The following CLCA4 variants were observed in gnomAD, a reference collection of about 807,000 sequenced individuals.
CLCA4 encodes the protein chloride channel accessory 4.
CLCA4 carries 69 observed loss-of-function variants against 78.9 expected under a neutral mutation model. The ratio of observed to expected loss-of-function variants is 0.87; its 90% confidence interval spans 0.72 to 1.07. The LOEUF (loss-of-function observed/expected upper bound fraction) is 1.07. CLCA4 is among the 50% of genes least tolerant of loss of function. CLCA4 has a pLI of 0.00. For synonymous variants in CLCA4, 362 were observed against 375.8 expected (o/e 0.96, Z 0.42); for missense variants, 1,133 against 1,095.8 (o/e 1.03, Z -0.48).
At chr1:86,552,701 G>C in intron 1 of CLCA4, 3 of 1,278,492 alleles carry the variant, frequency 2.3e-6, no homozygotes, top group Non-Finnish European at 1.1e-6. Flanking sequence ...CGGGGTGACC[G>C]GAGCCAAGCC....
chr1:86,552,928 G>T (rs966125999), intron 1 of CLCA4: 46 of 655,554 alleles, frequency 7.0e-5, no homozygotes, highest in African/African-American at 6.2e-4. Flanking sequence ...CTCCCTCTGC[G>T]GGTGCCTCGG....
At position 86,578,008 on chromosome 1, in the gene CLCA4, T is replaced by C. The variant is rs769551837; in HGVS notation, c.2058T>C (p.Thr686=). ...LKVRAHGGAN[T]ARLKLRPPLN... ...TTCGGGCTCATGGAGGAGCAAACAC[T>C]GCCAGGCTAAAATTACGGCCTCCAC... The change falls in exon 12 of 14, where the codon ACT becomes ACC. Residue 686 remains threonine (T), a synonymous_variant. Transcript: ENST00000370563. 5 of 1,612,738 alleles carry C rather than the reference T, an allele frequency of 3.1e-6. No individual in the cohort carries two copies. In the South Asian group the frequency reaches 3.3e-5, roughly 11 times the overall value.
chr1:86,558,783 C>A (rs894699429), intron 1 of CLCA4, among the ~76,000 whole-genome samples: 1 of 152,102 alleles, frequency 6.6e-6, no homozygotes, highest in South Asian at 2.1e-4. Flanking sequence ...ATTATCTCCA[C>A]CTGGTCCCTT....
At chr1:86,554,301 A>G (rs1649764092) in intron 1 of CLCA4, among the ~76,000 whole-genome samples, 1 of 152,168 alleles carries the variant, frequency 6.6e-6, no homozygotes, top group South Asian at 2.1e-4. Context: ...AGCTCCACCC[A>G]TGTTCCCGCA....
At chr1:86,552,821 G>T in intron 1 of CLCA4, 1 of 952,306 alleles carries the variant, frequency 1.1e-6, no homozygotes. Context: ...TCCATGTAGC[G>T]GGGGATTTTA....
Position 86,572,707 on chromosome 1 carries a change from A to T in CLCA4, c.1454A>T (p.Gln485Leu). Residue 485 changes from glutamine (Q) to leucine (L), a missense_variant, in exon 9 of 14, where the codon CAG (glutamine) becomes CTG (leucine). Gln to Leu is a moderately radical substitution (Grantham distance 113). Coordinates refer to ENST00000370563, the MANE Select transcript of CLCA4 (RefSeq NM_012128.4). ...ACATCAGGAAATACTGATCTCTCCC[A>T]GAAGTCCCTTCAGGTCAGAGTTCTC... ...ALTSGNTDLS[Q>L]KSLQLESKGL... 1 of 1,586,880 alleles carries T rather than the reference A, an allele frequency of 6.3e-7. No individual in the cohort carries two copies. The highest frequency in any genetic ancestry group is 8.7e-7 in the Non-Finnish European group (1 of 1,155,446).
intron 9 of CLCA4, among the ~76,000 whole-genome samples, chr1:86,573,994 C>T (rs1558196796): frequency 6.6e-6 from 1 of 152,038 alleles, no homozygotes; most frequent in African/African-American, 2.4e-5. Context: ...TTTAGCCATT[C>T]CACAATATGT....
At chr1:86,562,176 G>C (rs770699511) in intron 3 of CLCA4, among the ~76,000 whole-genome samples, 1 of 152,234 alleles carries the variant, frequency 6.6e-6, no homozygotes, top group Non-Finnish European at 1.5e-5. Context: ...ATGTAGACAG[G>C]AATGGAATTC....
intron 1 of CLCA4, among the ~76,000 whole-genome samples, chr1:86,549,428 T>C (rs372730516): frequency 3.5e-4 from 54 of 152,174 alleles, no homozygotes; most frequent in African/African-American, 1.2e-3. Flanking sequence ...TGAAAATCCA[T>C]AGGAGGATTC....
At chr1:86,553,828 C>A (rs1476538675) in intron 1 of CLCA4, among the ~76,000 whole-genome samples, 1 of 151,730 alleles carries the variant, frequency 6.6e-6, no homozygotes, top group African/African-American at 2.4e-5. Flanking sequence ...TCCAGCTACT[C>A]GAGAGGTCGA....
chr1:86,572,558 A>G, intron 8 of CLCA4, 56 bp from the exon 9 acceptor site: 1 of 1,043,450 alleles, frequency 9.6e-7, no homozygotes, highest in Non-Finnish European at 1.5e-6. Flanking sequence ...AATAATCACT[A>G]AAATATATGT....
At chr1:86,577,685 A>G (rs935196810) in intron 11 of CLCA4, among the ~76,000 whole-genome samples, 22 of 152,080 alleles carry the variant, frequency 1.4e-4, no homozygotes, top group African/African-American at 4.3e-4. Flanking sequence ...GTGTGTGTGT[A>G]TGTATGTTAT....
At chr1:86,558,334 A>T (rs72955608) in intron 1 of CLCA4, among the ~76,000 whole-genome samples, 2 of 152,142 alleles carry the variant, frequency 1.3e-5, no homozygotes, top group Admixed American at 6.5e-5. Context: ...CTGTTTTTGT[A>T]TTAGCTGGTA....
chr1:86,573,691 T>C (rs1331662319), intron 9 of CLCA4, among the ~76,000 whole-genome samples: 1 of 151,966 alleles, frequency 6.6e-6, no homozygotes, highest in African/African-American at 2.4e-5. Flanking sequence ...AGACTGCTAG[T>C]GTTTGGAGAA....
At chr1:86,561,939 T>A (rs1436081303) in intron 3 of CLCA4, among the ~76,000 whole-genome samples, 1 of 152,110 alleles carries the variant, frequency 6.6e-6, no homozygotes, top group Non-Finnish European at 1.5e-5. Context: ...TTTGGATAAA[T>A]AACATTAGTA....
intron 7 of CLCA4, 54 bp from the exon 8 acceptor site, chr1:86,571,023 T>C (rs1423719551): frequency 9.1e-6 from 12 of 1,323,304 alleles, no homozygotes; most frequent in East Asian, 7.0e-5. Flanking sequence ...TTCCCATTTG[T>C]CTATTTGATC....
chr1:86,552,827 T>C (rs1045373375), intron 1 of CLCA4: 9 of 898,572 alleles, frequency 1.0e-5, no homozygotes, highest in Non-Finnish European at 1.5e-5. Context: ...TAGCGGGGGA[T>C]TTTAGTCTCC....
At chr1:86,552,481 A>G (rs1649694887) in intron 1 of CLCA4, 1 of 459,740 alleles carries the variant, frequency 2.2e-6, no homozygotes, top group African/African-American at 2.1e-5. Context: ...CCTGCTGATG[A>G]TGGTCTGTTC....
chr1:86,580,238 C>A lies in CLCA4; in HGVS notation c.2653C>A (p.Pro885Thr). The change falls in exon 14 of 14, where the codon CCT becomes ACT. Residue 885 changes from proline to threonine, a missense_variant. Physicochemically the swap from Pro to Thr is conservative, Grantham distance 38. Transcript: ENST00000370563. ...TCCTACACCTACTCCTACTCCTACT[C>A]CTACTCCTGATAAAAGTCATAATTC... is the stretch of plus-strand genomic sequence containing the variant. Reference protein sequence around the residue: ...IDPTPTPTPTPTPDKSHNSGV... With the variant: ...IDPTPTPTPTTTPDKSHNSGV... 6.2e-7 allele frequency: 1 copy of A among 1,611,142 alleles called. No individual in the cohort carries two copies. The highest frequency in any genetic ancestry group is 8.5e-7 in the Non-Finnish European group (1 of 1,178,112).
Sources: allele counts gnomAD v4.1 joint callset (sites outside exome capture counted in the v4.1 genomes callset), GRCh38; gene constraint gnomAD v4.1.1; transcripts MANE v1.5; gene names NCBI Gene and HGNC (gene_info 2026-07-23, HGNC 2026-07-21).